GIT2: variants seen among roughly 807,000 people sequenced by gnomAD.
GIT2 encodes ARF GTPase-activating protein GIT2.
Under a neutral mutation model 100.3 loss-of-function variants are expected in GIT2, and 32 were observed. That is an observed-to-expected ratio of 0.32 (90% CI 0.24 to 0.43). The LOEUF is 0.43. Ranked by LOEUF, GIT2 falls within the 20% of genes least tolerant of loss-of-function variation. The pLI is 1.00. For synonymous variants in GIT2, 353 were observed against 364.1 expected (o/e 0.97, Z 0.35); for missense variants, 737 against 975.1 (o/e 0.76, Z 3.25).
chr12:109,943,330 A>G (rs2136204526), intron 16 of GIT2, among the ~76,000 whole-genome samples: 1 of 145,622 alleles, frequency 6.9e-6, no homozygotes, highest in African/African-American at 2.8e-5. Flanking sequence ...AGAACTGCTC[A>G]GGAGACTTTT....
At chr12:109,974,412 A>G (rs1884596130) in intron 7 of GIT2, among the ~76,000 whole-genome samples, 2 of 151,866 alleles carry the variant, frequency 1.3e-5, no homozygotes, top group African/African-American at 2.4e-5. Flanking sequence ...CTGTAATCCC[A>G]GTACTAGGGA....
At chr12:109,978,906 T>C (rs1433730237) in intron 7 of GIT2, among the ~76,000 whole-genome samples, 3 of 152,260 alleles carry the variant, frequency 2.0e-5, no homozygotes, top group African/African-American at 4.8e-5. Context: ...CAAGTCATTA[T>C]GGATGATATC....
intron 4 of GIT2, among the ~76,000 whole-genome samples, chr12:109,985,512 T>G (rs962634168): frequency 6.6e-6 from 1 of 152,128 alleles, no homozygotes; most frequent in African/African-American, 2.4e-5. Context: ...GCCCAAGAAT[T>G]TGAGACCAGT....
intron 18 of GIT2, among the ~76,000 whole-genome samples, chr12:109,936,830 C>T (rs1169588252): frequency 6.6e-6 from 1 of 150,846 alleles, no homozygotes; most frequent in African/African-American, 2.5e-5. Context: ...GATCGTGCCA[C>T]TGCTCTCCAG....
Position 109,939,199 on chromosome 12 carries a change from TGTC to T in GIT2, c.1777_1779del (p.Asp593del). On this transcript the variant is annotated inframe_deletion, in exon 17 of 20. Transcript: ENST00000355312. ...TCTGGCTCCATGTCGTTGGGAGTGT[TGTC>T]GTAGTCACTCTCAGGTGTGCTGTTC... The T allele has an allele frequency of 2.5e-6, 4 of 1,611,650 alleles. No homozygotes were observed. The highest frequency in any genetic ancestry group is 3.4e-6 in the Non-Finnish European group (4 of 1,177,912).
chr12:109,937,369 G>A (rs1056852592), intron 18 of GIT2, among the ~76,000 whole-genome samples: 8 of 152,138 alleles, frequency 5.3e-5, no homozygotes, highest in Non-Finnish European at 1.0e-4. Flanking sequence ...CTTTTTGCTC[G>A]TGCAAGGCGT....
chr12:109,933,308 C>A lies in GIT2; in HGVS notation c.2068-118G>T. On this transcript the variant is annotated intron_variant, in intron 19 of 19. Coordinates refer to ENST00000355312, the MANE Select transcript of GIT2 (RefSeq NM_057169.5). The surrounding 1 kb of genome is among the most constrained non-coding windows in gnomAD (Gnocchi z 4.5). ...CCCCAGAGTGAAAGGCGGTTTGGTC[C>A]TGCCCTTTCTCAAAGGGGTGCTTCA... The A allele has an allele frequency of 4.7e-6, 3 of 638,980 alleles. No individual in the cohort carries two copies. Among genetic ancestry groups the A allele is most frequent in the Non-Finnish European group, 8.3e-6 (3 of 359,936 alleles). The allele number at this position is 638,980 out of a possible 1,614,324, so 39.6% of individuals were successfully genotyped here. A position where few individuals can be genotyped will look rare whatever the true frequency, so the allele number is the denominator to read the frequency against.
At chr12:109,990,152 T>C (rs1464045734) in intron 2 of GIT2, among the ~76,000 whole-genome samples, 1 of 152,246 alleles carries the variant, frequency 6.6e-6, no homozygotes, top group Non-Finnish European at 1.5e-5. Context: ...ATTCACTTAA[T>C]ATTTGTCTTT....
In GIT2 at chr12:109,932,948, G is replaced by C; in HGVS notation, c.*30C>G. ...TTGAAATTGGACTTTATAAAGCCTA[G>C]AAAACAGAGGAGGCGGTGCCCTGCC... On this transcript the variant is annotated 3_prime_UTR_variant, in exon 20 of 20. Coordinates refer to ENST00000355312, the MANE Select transcript of GIT2 (RefSeq NM_057169.5). 1.6e-6 allele frequency: 2 copies of C among 1,282,998 alleles called. No individual in the cohort carries two copies. Among genetic ancestry groups the C allele is most frequent in the Non-Finnish European group, 2.3e-6 (2 of 879,110 alleles). The allele number at this position is 1,282,998 out of a possible 1,614,324, so 79.5% of individuals were successfully genotyped here. A position where few individuals can be genotyped will look rare whatever the true frequency, so the allele number is the denominator to read the frequency against.
At chr12:109,956,331 T>G (rs11069045) in intron 12 of GIT2, among the ~76,000 whole-genome samples, 28,610 of 152,026 alleles carry the variant, frequency 0.19, 4,964 homozygotes, top group African/African-American at 0.47. Context: ...TCCTGGGCGG[T>G]AGGGGGCCAT....
chr12:109,958,571 ACT>A (rs1880208445), intron 12 of GIT2, among the ~76,000 whole-genome samples: 1 of 151,916 alleles, frequency 6.6e-6, no homozygotes, highest in Non-Finnish European at 1.5e-5. Flanking sequence ...TTATCCAAAG[ACT>A]CTTGTCACTG....
At chr12:109,956,022 G>A (rs1262861239) in intron 12 of GIT2, among the ~76,000 whole-genome samples, 1 of 151,878 alleles carries the variant, frequency 6.6e-6, no homozygotes, top group African/African-American at 2.4e-5. Context: ...TCCACCTCCT[G>A]GGTTCAAGTG....
chr12:109,941,831 CT>C (rs775499234), intron 16 of GIT2, among the ~76,000 whole-genome samples: 223 of 143,298 alleles, frequency 1.6e-3, no homozygotes, highest in Middle Eastern at 3.6e-3. Flanking sequence ...AATTTTTTTT[CT>C]TTTTTTTTTT....
chr12:109,976,854 G>T (rs1218773551), intron 7 of GIT2, among the ~76,000 whole-genome samples: 1 of 152,212 alleles, frequency 6.6e-6, no homozygotes, highest in African/African-American at 2.4e-5. Flanking sequence ...CTGCCAAAGT[G>T]CTGGGATTAC....
At chr12:109,956,771 C>T (rs1220417900) in intron 12 of GIT2, among the ~76,000 whole-genome samples, 1 of 152,070 alleles carries the variant, frequency 6.6e-6, no homozygotes, top group Non-Finnish European at 1.5e-5. Context: ...AATCCCAGCA[C>T]TTTGGGAGGC....
chr12:109,943,578 C>T (rs1875388017), intron 16 of GIT2, among the ~76,000 whole-genome samples: 1 of 152,214 alleles, frequency 6.6e-6, no homozygotes, highest in Non-Finnish European at 1.5e-5. Flanking sequence ...AAGTGATCCA[C>T]CCACCTTGGC....
In GIT2 at chr12:109,947,300, G is replaced by A. The variant is rs772698569; in HGVS notation, c.1597C>T (p.Arg533Cys). 3 of 1,613,952 alleles carry A rather than the reference G, an allele frequency of 1.9e-6. No homozygotes were observed. The highest frequency in any genetic ancestry group is 2.2e-5 in the East Asian group (1 of 44,900). The change falls in exon 15 of 20, where the codon CGC (arginine) becomes TGC (cysteine). Residue 533 changes from arginine to cysteine, a missense_variant. By Grantham distance (180) the Arg-to-Cys change is radical (BLOSUM62 -3). Around this residue, in one of 3 missense-constraint regions of GIT2, gnomAD observed 451 missense variants for 543.7 expected, o/e 0.83. Coordinates refer to ENST00000355312, the MANE Select transcript of GIT2 (RefSeq NM_057169.5). This position sits in a 1 kb window ranked among gnomAD's most constrained non-coding sequence, Gnocchi z 4.3. ...AGTCTCATCCTGCTCTCTTCGGGGC[G>A]GCTCGCTTCTCCCATTGGGAGATAT... ...KPYLPMGEAS[R>C]PEESRMRLQP...
At chr12:109,980,379 T>G (rs1464029034) in intron 7 of GIT2, among the ~76,000 whole-genome samples, 1 of 151,996 alleles carries the variant, frequency 6.6e-6, no homozygotes, top group African/African-American at 2.4e-5. Flanking sequence ...GAAGCTTTAT[T>G]TATTTATTTA....
At chr12:109,966,487 C>T (rs1397143513) in intron 8 of GIT2, among the ~76,000 whole-genome samples, 71 of 122,506 alleles carry the variant, frequency 5.8e-4, no homozygotes, top group African/African-American at 2.1e-3. Flanking sequence ...CCAGTCTGGG[C>T]GACAGAGCAA....
Sources: allele counts gnomAD v4.1 joint callset (sites outside exome capture counted in the v4.1 genomes callset), GRCh38; gene constraint gnomAD v4.1.1; regional missense constraint gnomAD v4.1.1; non-coding constraint Gnocchi (gnomAD v3.1); transcripts MANE v1.5; gene names NCBI Gene and HGNC (gene_info 2026-07-23, HGNC 2026-07-21).